DZIP1: variants seen among roughly 807,000 people sequenced by gnomAD.
The protein encoded by DZIP1 is cilium assembly protein DZIP1.
A neutral mutation model predicts 107.6 loss-of-function variants in DZIP1; 97 were observed. The ratio of observed to expected loss-of-function variants is 0.90; its 90% CI spans 0.77 to 1.07. DZIP1 has a LOEUF of 1.07. Among genes scored for constraint, DZIP1 ranks in the 50% least tolerant of loss-of-function variants. DZIP1 has a pLI of 0.00. For missense variants in DZIP1, 1,035 were observed against 1,063.6 expected (o/e 0.97, Z 0.37); for synonymous variants, 390 against 386.4 (o/e 1.01, Z -0.11).
chr13:95,604,201 G>T (rs1263614979), intron 14 of DZIP1, among the ~76,000 whole-genome samples: 1 of 152,182 alleles, frequency 6.6e-6, no homozygotes, highest in Non-Finnish European at 1.5e-5. Flanking sequence ...TGTTTCCCAG[G>T]GGACCCGACC....
chr13:95,616,663 A>G (rs952344849), intron 10 of DZIP1, among the ~76,000 whole-genome samples: 2 of 152,140 alleles, frequency 1.3e-5, no homozygotes, highest in African/African-American at 4.8e-5. Flanking sequence ...GGTGACCAGG[A>G]CCCAGAGGCC....
chr13:95,587,897 C>T (rs1566361182), intron 19 of DZIP1, 168 bp from the exon 20 acceptor site: 1 of 751,542 alleles, frequency 1.3e-6, no homozygotes, highest in Non-Finnish European at 2.1e-6. Context: ...AGAGGTTATA[C>T]CCACGGCTGT....
chr13:95,616,877 T>C (rs1036664453), intron 10 of DZIP1, among the ~76,000 whole-genome samples: 1 of 152,108 alleles, frequency 6.6e-6, no homozygotes, highest in South Asian at 2.1e-4. Flanking sequence ...AGGAAGATTA[T>C]CCTGTGTGGG....
intron 15 of DZIP1, among the ~76,000 whole-genome samples, chr13:95,598,303 A>G (rs950210925): frequency 6.6e-6 from 1 of 152,204 alleles, no homozygotes; most frequent in Non-Finnish European, 1.5e-5. Flanking sequence ...TGGTCTGTCT[A>G]AAATATACAA....
chr13:95,591,401 A>C (rs2044309622), intron 16 of DZIP1, among the ~76,000 whole-genome samples: 1 of 152,226 alleles, frequency 6.6e-6, no homozygotes, highest in Admixed American at 6.5e-5. Context: ...TTTGATGAGA[A>C]TCTAGACAGA....
intron 22 of DZIP1, 113 bp downstream of exon 22, chr13:95,584,623 A>G: frequency 6.8e-7 from 1 of 1,471,230 alleles, no homozygotes; most frequent in Non-Finnish European, 9.0e-7. Context: ...GAAAGCACTG[A>G]CAGCTTTTTT....
At chr13:95,605,597 G>GT (rs369361941) in intron 14 of DZIP1, among the ~76,000 whole-genome samples, 2 of 152,138 alleles carry the variant, frequency 1.3e-5, no homozygotes, top group African/African-American at 4.8e-5. Context: ...TTTAGAAAAG[G>GT]TGACTTGCTG....
At chr13:95,604,469 GTGCCAGGTCTGGCTGGCAT>G in intron 14 of DZIP1, among the ~76,000 whole-genome samples, 1 of 152,174 alleles carries the variant, frequency 6.6e-6, no homozygotes, top group Non-Finnish European at 1.5e-5. Context: ...TGTAGGCCCT[GTGCCAGGTCTGGCTGGCAT>G]TTAAAACTAG....
At chr13:95,620,338 C>T (rs1045482709) in intron 9 of DZIP1, among the ~76,000 whole-genome samples, 2 of 152,130 alleles carry the variant, frequency 1.3e-5, no homozygotes, top group South Asian at 4.1e-4. Flanking sequence ...TCCTGTACAG[C>T]CTATGGAACT....
chr13:95,636,436 G>A (rs145897705), intron 5 of DZIP1, among the ~76,000 whole-genome samples: 2,657 of 151,828 alleles, frequency 0.018, 30 homozygotes, highest in Middle Eastern at 0.044. Context: ...CCAGCTACTC[G>A]GGAGGCTGAG....
At chr13:95,630,563 C>G (rs551363230) in intron 6 of DZIP1, among the ~76,000 whole-genome samples, 1 of 149,470 alleles carries the variant, frequency 6.7e-6, no homozygotes, top group Non-Finnish European at 1.5e-5. Context: ...TTCTGAGGAC[C>G]CCATCAGTGC....
intron 14 of DZIP1, among the ~76,000 whole-genome samples, chr13:95,602,473 G>C (rs765579979): frequency 2.6e-5 from 4 of 152,156 alleles, no homozygotes. Context: ...TGTAAGTTCC[G>C]TGGGGACAGG....
At chr13:95,620,542 A>G (rs1875698539) in intron 9 of DZIP1, among the ~76,000 whole-genome samples, 1 of 152,198 alleles carries the variant, frequency 6.6e-6, no homozygotes, top group South Asian at 2.1e-4. Flanking sequence ...TAAGGAGCTA[A>G]CAGTAAATAT....
At chr13:95,610,138 GAGAC>G (rs969289364) in intron 12 of DZIP1, among the ~76,000 whole-genome samples, 8 of 151,238 alleles carry the variant, frequency 5.3e-5, no homozygotes, top group South Asian at 2.1e-4. Flanking sequence ...GAGAGAGACA[GAGAC>G]AGACAGAGAG....
In DZIP1 at chr13:95,590,458, T is replaced by C; in HGVS notation, c.1681-17A>G. The C allele has an allele frequency of 6.3e-7, 1 of 1,588,632 alleles. No homozygotes were observed. Among genetic ancestry groups the C allele is most frequent in the Non-Finnish European group, 8.5e-7 (1 of 1,169,888 alleles). On this transcript the variant is annotated splice_polypyrimidine_tract_variant and intron_variant, in intron 16 of 22. Coordinates refer to ENST00000376829, the MANE Select transcript of DZIP1 (RefSeq NM_198968.4). Reference sequence around the variant, plus strand: ...ACGTATATCCTGAAAGAATAAGATGTTAAGTTGGCCAGTTATCCTGGGAGG... The same window carrying C: ...ACGTATATCCTGAAAGAATAAGATGCTAAGTTGGCCAGTTATCCTGGGAGG...
At chr13:95,616,774 C>T (rs946684423) in intron 10 of DZIP1, among the ~76,000 whole-genome samples, 6 of 152,058 alleles carry the variant, frequency 3.9e-5, no homozygotes, top group African/African-American at 1.4e-4. Flanking sequence ...GGAGAACCTC[C>T]ATTGTGCTTC....
chr13:95,612,591 T>C (rs967610588), intron 10 of DZIP1, among the ~76,000 whole-genome samples: 1 of 152,010 alleles, frequency 6.6e-6, no homozygotes, highest in African/African-American at 2.4e-5. Context: ...GTTTTTGTTG[T>C]TGTTTTTTTT....
chr13:95,622,907 T>C (rs1876077707), intron 8 of DZIP1, among the ~76,000 whole-genome samples: 1 of 151,988 alleles, frequency 6.6e-6, no homozygotes, highest in Admixed American at 6.6e-5. Context: ...CACACCCAGA[T>C]AATTTTTGTA....
rs753580517 is a variant in DZIP1 at position 95,609,502 on chromosome 13, C to A, written c.1375G>T (p.Ala459Ser). 2 of 1,583,850 alleles carry A rather than the reference C, an allele frequency of 1.3e-6. No individual in the cohort carries two copies. Among genetic ancestry groups the A allele is most frequent in the Non-Finnish European group, 8.6e-7 (1 of 1,165,940 alleles). ...SISEPKGNPLAWQAFESQPAA... is the reference protein window; with the variant it reads ...SISEPKGNPLSWQAFESQPAA... ...GGCTGAGATTCAAAAGCCTGCCAGG[C>A]TAAAGGATTTCCTGAAATGACAGAA... Residue 459 changes from alanine to serine, a missense_variant, in exon 13 of 23, where the codon GCC becomes TCC. Ala to Ser is a moderately conservative substitution (Grantham distance 99). Coordinates refer to ENST00000376829, the MANE Select transcript of DZIP1 (RefSeq NM_198968.4).
Sources: allele counts gnomAD v4.1 joint callset (sites outside exome capture counted in the v4.1 genomes callset), GRCh38; gene constraint gnomAD v4.1.1; transcripts MANE v1.5; gene names NCBI Gene and HGNC (gene_info 2026-07-23, HGNC 2026-07-21).